The following GDPD3 variants were observed in gnomAD, a reference collection of about 807,000 sequenced individuals.
GDPD3 encodes the protein glycerophosphodiester phosphodiesterase domain containing 3.
Under a neutral mutation model 43.7 loss-of-function variants are expected in GDPD3, and 40 were observed. That is an observed-to-expected ratio of 0.91 (90% CI 0.71 to 1.19). The LOEUF (loss-of-function observed/expected upper bound fraction) is 1.19, where lower values mean the gene tolerates loss of function less well. GDPD3 is among the 50% of genes most tolerant of loss of function. The pLI is 0.00. For synonymous variants in GDPD3, 145 were observed against 162.9 expected, an observed-to-expected ratio of 0.89 and a Z score of 0.84; for missense variants, 363 against 415.8, an observed-to-expected ratio of 0.87 and a Z score of 1.11.
At chr16:30,110,256 C>A (rs2072889500) in intron 7 of GDPD3, among the ~76,000 whole-genome samples, 1 of 151,578 alleles carries the variant, frequency 6.6e-6, no homozygotes. Flanking sequence ...CGGTGAAACC[C>A]CATCTCTACT....
At position 30,112,255 on chromosome 16, in the gene GDPD3, A is replaced by C. The variant is rs780951284; in HGVS notation, c.484-34T>G. The C allele has an allele frequency of 5.6e-6, 9 of 1,611,844 alleles. No homozygotes were observed. The highest frequency in any genetic ancestry group is 7.6e-6 in the Non-Finnish European group (9 of 1,177,846). On this transcript the variant is annotated intron_variant, in intron 5 of 9. Transcript: ENST00000406256. The surrounding 1 kb of genome is among the most constrained non-coding windows in gnomAD (Gnocchi z 5.4). ...AGGAGAAGGAGGTGAAGGGAGAGCC[A>C]GGCCTCTCTCACGCCCCCGGTGGCC...
intron 9 of GDPD3, chr16:30,107,951 C>T (rs2072871277): frequency 7.5e-6 from 2 of 264,926 alleles, no homozygotes; most frequent in South Asian, 8.5e-5. Flanking sequence ...GATTGCACCA[C>T]TGCACTCCAG....
intron 7 of GDPD3, among the ~76,000 whole-genome samples, chr16:30,109,370 C>T (rs1476409460): frequency 6.6e-6 from 1 of 152,086 alleles, no homozygotes; most frequent in Non-Finnish European, 1.5e-5. Context: ...ATTAGCCGGG[C>T]GTGGTGGCAG....
In GDPD3 at chr16:30,112,077, G is replaced by T; in HGVS notation, c.573+55C>A. ...CCATGCTGGGTGGGCTCCAGCTCTG[G>T]GGAGGAGGGGCCCCTGGAGGAGGAA... is the stretch of plus-strand genomic sequence containing the variant. On this transcript the variant is annotated intron_variant, in intron 6 of 9. Coordinates refer to ENST00000406256, the MANE Select transcript of GDPD3 (RefSeq NM_024307.3). This position sits in a 1 kb window ranked among gnomAD's most constrained non-coding sequence, Gnocchi z 5.4. The T allele has an allele frequency of 7.0e-7, 1 of 1,435,880 alleles. No individual in the cohort carries two copies. Among genetic ancestry groups the T allele is most frequent in the Non-Finnish European group, 9.8e-7 (1 of 1,021,286 alleles). 88.9% of individuals were successfully genotyped at this position (1,435,880 alleles called of 1,614,324 possible).
Position 30,110,120 on chromosome 16 carries a change from A to C in GDPD3, c.707+1268T>G, listed in dbSNP as rs58656563. Among the ~76,000 whole-genome samples, 1,050 of 152,106 alleles carry C rather than the reference A, an allele frequency of 6.9e-3. 9 individuals are homozygous for C. The highest frequency in any genetic ancestry group is 0.023 in the African/African-American group (969 of 41,496). On this transcript the variant is annotated intron_variant, in intron 7 of 9. Coordinates refer to ENST00000406256, the MANE Select transcript of GDPD3 (RefSeq NM_024307.3). Reference sequence around the variant, plus strand: ...GGTGCTGCAAGGTAAAAGTCAACCCAAAATATGTTAAAACACTTTATAAAT... The same window carrying C: ...GGTGCTGCAAGGTAAAAGTCAACCCCAAATATGTTAAAACACTTTATAAAT...
intron 7 of GDPD3, among the ~76,000 whole-genome samples, chr16:30,110,247 G>T (rs879257170): frequency 3.3e-5 from 5 of 152,008 alleles, no homozygotes; most frequent in Non-Finnish European, 7.4e-5. Context: ...TGGCTAATAC[G>T]GTGAAACCCC....
In GDPD3 at chr16:30,112,281, G is replaced by A. The variant is rs766636776; in HGVS notation, c.483+25C>T. 43 of 1,612,840 alleles carry A rather than the reference G, an allele frequency of 2.7e-5. No individual in the cohort carries two copies. The African/African-American group carries it at 2.8e-4, about 11-fold the overall frequency. On this transcript the variant is annotated intron_variant, in intron 5 of 9. Coordinates refer to ENST00000406256, the MANE Select transcript of GDPD3 (RefSeq NM_024307.3). The surrounding 1 kb of genome is among the most constrained non-coding windows in gnomAD (Gnocchi z 5.4). ...GGCCTCTCTCACGCCCCCGGTGGCC[G>A]CCCTAGCCCTGCCTGCAGCACCACC... is the stretch of plus-strand genomic sequence containing the variant.
chr16:30,108,781 G>A (rs1041787620), intron 7 of GDPD3, among the ~76,000 whole-genome samples: 4 of 152,052 alleles, frequency 2.6e-5, no homozygotes, highest in African/African-American at 4.8e-5. Flanking sequence ...GGCCCTCCTG[G>A]TTGGGCCTGG....
chr16:30,112,683 C>A lies in GDPD3; in HGVS notation c.293G>T (p.Arg98Met). 1 of 1,614,044 alleles carries A rather than the reference C, an allele frequency of 6.2e-7. No individual in the cohort carries two copies. The highest frequency in any genetic ancestry group is 8.5e-7 in the Non-Finnish European group (1 of 1,180,010). The change falls in exon 3 of 10, where the codon AGG becomes ATG. Residue 98 changes from arginine (R) to methionine (M), a missense_variant. Physicochemically the swap from Arg to Met is moderately conservative, Grantham distance 91. Coordinates refer to ENST00000406256, the MANE Select transcript of GDPD3 (RefSeq NM_024307.3). The surrounding 1 kb of genome is among the most constrained non-coding windows in gnomAD (Gnocchi z 5.4). The stretch of plus-strand genomic sequence containing the variant: ...CTCGAAGTCCAGGCTGCCCACATCC[C>A]TGTTTAGGCCCGACTGGCGGCACAG... Reference protein sequence around the residue: ...ENLCRQSGLNRDVGSLDFEDL... With the variant: ...ENLCRQSGLNMDVGSLDFEDL...
intron 9 of GDPD3, among the ~76,000 whole-genome samples, chr16:30,105,678 T>G (rs1043663566): frequency 6.7e-6 from 1 of 150,162 alleles, no homozygotes; most frequent in South Asian, 2.1e-4. Context: ...CTAATTTTTC[T>G]GTTTTTAGTA....
chr16:30,108,035 GTGTT>G (rs2072872242), intron 9 of GDPD3, 174 bp downstream of exon 9: 5 of 569,198 alleles, frequency 8.8e-6, no homozygotes, highest in South Asian at 4.3e-5. Flanking sequence ...AAAATTGTGT[GTGTT>G]CGTGTGTGTG....
Position 30,112,252 on chromosome 16 carries a change from G to C in GDPD3, c.484-31C>G. The C allele has an allele frequency of 6.2e-7, 1 of 1,613,196 alleles. No individual in the cohort carries two copies. ...AGGAGGAGAAGGAGGTGAAGGGAGA[G>C]CCAGGCCTCTCTCACGCCCCCGGTG... On this transcript the variant is annotated intron_variant, in intron 5 of 9. Transcript: ENST00000406256. The surrounding 1 kb of genome is among the most constrained non-coding windows in gnomAD (Gnocchi z 5.4).
chr16:30,107,824 TACTAAAA>T (rs2072870377), intron 9 of GDPD3: 1 of 160,278 alleles, frequency 6.2e-6, no homozygotes, highest in South Asian at 1.8e-4. Flanking sequence ...ACCCCGTCTC[TACTAAAA>T]ACACAAAAAT....
rs377658910 is a variant in GDPD3, at chr16:30,112,955, T to TG, written c.182+66dup. ...CAGCTAGGAAGTGAATGGCGTCCCTTGCTGTGATGCAGTCCACGACCTGCA... is the reference window on the plus strand; with the variant it reads ...CAGCTAGGAAGTGAATGGCGTCCCTTGGCTGTGATGCAGTCCACGACCTGCA... On this transcript the variant is annotated intron_variant, in intron 2 of 9. Transcript: ENST00000406256. This position sits in a 1 kb window ranked among gnomAD's most constrained non-coding sequence, Gnocchi z 5.4. 170 of 1,539,370 alleles carry TG rather than the reference T, an allele frequency of 1.1e-4. No individual in the cohort carries two copies. In the African/African-American group the frequency reaches 2.1e-3, roughly 19 times the overall value.
At chr16:30,107,125 G>A (rs2072866371) in intron 9 of GDPD3, among the ~76,000 whole-genome samples, 1 of 150,956 alleles carries the variant, frequency 6.6e-6, no homozygotes, top group Admixed American at 6.6e-5. Context: ...AGACAGTCTG[G>A]CTATCTCTCC....
Position 30,113,221 on chromosome 16 carries a change from T to G in GDPD3, c.139+119A>C, listed in dbSNP as rs2072918717. On this transcript the variant is annotated intron_variant, in intron 1 of 9. Coordinates refer to ENST00000406256, the MANE Select transcript of GDPD3 (RefSeq NM_024307.3). This position sits in a 1 kb window ranked among gnomAD's most constrained non-coding sequence, Gnocchi z 5.9. ...AGCATCTTCTTCCTCGTCCACACCC[T>G]GCCCTGCCACTTCGCTCTCCTTCTC... 2.1e-6 allele frequency: 3 copies of G among 1,418,802 alleles called. No homozygotes were observed. The highest frequency in any genetic ancestry group is 2.3e-4 in the Middle Eastern group (1 of 4,342). The allele number at this position is 1,418,802 out of a possible 1,614,324, so 87.9% of individuals were successfully genotyped here. A position where few individuals can be genotyped will look rare whatever the true frequency, so the allele number is the denominator to read the frequency against.
At position 30,112,949 on chromosome 16, in the gene GDPD3, G is replaced by A. The variant is rs1407170923; in HGVS notation, c.182+73C>T. 1.7e-5 allele frequency: 26 copies of A among 1,520,232 alleles called. No individual in the cohort carries two copies. The highest frequency in any genetic ancestry group is 3.4e-5 in the South Asian group (3 of 88,526). 94.2% of individuals were successfully genotyped at this position (1,520,232 alleles called of 1,614,324 possible). A position where few individuals can be genotyped will look rare whatever the true frequency, so the allele number is the denominator to read the frequency against. On this transcript the variant is annotated intron_variant, in intron 2 of 9. Coordinates refer to ENST00000406256, the MANE Select transcript of GDPD3 (RefSeq NM_024307.3). The surrounding 1 kb of genome is among the most constrained non-coding windows in gnomAD (Gnocchi z 5.4). ...GTCACCCAGCTAGGAAGTGAATGGC[G>A]TCCCTTGCTGTGATGCAGTCCACGA...
chr16:30,110,246 C>T (rs1476302541), intron 7 of GDPD3, among the ~76,000 whole-genome samples: 3 of 151,468 alleles, frequency 2.0e-5, no homozygotes, highest in Admixed American at 6.6e-5. Flanking sequence ...CTGGCTAATA[C>T]GGTGAAACCC....
At chr16:30,111,902 C>T in intron 6 of GDPD3, 1 of 581,428 alleles carries the variant, frequency 1.7e-6, no homozygotes, top group Non-Finnish European at 3.1e-6. Flanking sequence ...CACCGCACTC[C>T]AGCCTGGGCG....
Sources: gnomAD v4.1 joint callset for allele counts (sites outside exome capture counted in the v4.1 genomes callset) on GRCh38, gnomAD v4.1.1 for gene constraint, Gnocchi (gnomAD v3.1) non-coding constraint, MANE v1.5 for transcripts, NCBI Gene and HGNC (gene_info 2026-07-23, HGNC 2026-07-21) for gene names.